TRMT9B: variants seen among roughly 807,000 people sequenced by gnomAD.
TRMT9B encodes tRNA methyltransferase 9B (putative).
Under a neutral mutation model 11.5 loss-of-function variants are expected in TRMT9B, and 16 were observed. That is an observed-to-expected ratio of 1.39 (90% confidence interval 0.94 to 2.11). TRMT9B has a LOEUF of 2.11. TRMT9B is among the 30% of genes most tolerant of loss of function. TRMT9B has a pLI of 0.00. For missense variants in TRMT9B, 941 were observed against 553.8 expected (o/e 1.70, Z -7.02); for synonymous variants, 274 against 192.4 (o/e 1.42, Z -3.51).
At chr8:12,947,517 A>C (rs1178756900) in intron 1 of TRMT9B, among the ~76,000 whole-genome samples, 2 of 152,212 alleles carry the variant, frequency 1.3e-5, no homozygotes. Flanking sequence ...TCCTTGAATA[A>C]AATAGATGGT....
chr8:13,015,941 A>G (rs1812566826), intron 4 of TRMT9B, among the ~76,000 whole-genome samples: 1 of 151,808 alleles, frequency 6.6e-6, no homozygotes, highest in Non-Finnish European at 1.5e-5. Context: ...GTTCGAGTTC[A>G]CATTTAGGAC....
At chr8:12,979,161 C>T (rs552368474) in intron 1 of TRMT9B, among the ~76,000 whole-genome samples, 7 of 152,148 alleles carry the variant, frequency 4.6e-5, no homozygotes, top group African/African-American at 9.7e-5. Flanking sequence ...AGGAAGTAAG[C>T]GTTGTCCTTT....
chr8:12,963,684 T>C (rs1802442272), intron 1 of TRMT9B, among the ~76,000 whole-genome samples: 1 of 148,504 alleles, frequency 6.7e-6, no homozygotes, highest in African/African-American at 2.5e-5. Flanking sequence ...TGGAGGTCAA[T>C]GCTATGATGA....
At chr8:12,961,494 G>C (rs1472615342) in intron 1 of TRMT9B, among the ~76,000 whole-genome samples, 3 of 151,898 alleles carry the variant, frequency 2.0e-5, no homozygotes, top group Non-Finnish European at 4.4e-5. Context: ...GAGGTCAGGA[G>C]ATGGAGACCA....
Position 13,006,320 on chromosome 8 carries a change from C to A in TRMT9B, c.118C>A (p.Gln40Lys), listed in dbSNP as rs1804609423. The A allele has an allele frequency of 6.2e-7, 1 of 1,613,366 alleles. No individual in the cohort carries two copies. The highest frequency in any genetic ancestry group is 1.1e-5 in the South Asian group (1 of 91,026). Residue 40 changes from glutamine (Q) to lysine (K), a missense_variant, in exon 3 of 5, where the codon CAA becomes AAA. Transcript: ENST00000524591. Reference sequence around the variant, plus strand: ...CTGGCCTCGTGTCCGCCAGTTCCTGCAAGAGCAGAAGCCAGGCAGCCTCAT... The same window carrying A: ...CTGGCCTCGTGTCCGCCAGTTCCTGAAAGAGCAGAAGCCAGGCAGCCTCAT... Reference protein sequence around the residue: ...KAWPRVRQFLQEQKPGSLIAD... With the variant: ...KAWPRVRQFLKEQKPGSLIAD...
intron 1 of TRMT9B, chr8:12,962,253 A>C (rs1450146990): frequency 6.6e-6 from 1 of 152,244 alleles, no homozygotes; most frequent in East Asian, 1.9e-4. Flanking sequence ...CATTCCCTTC[A>C]AAAGGCTGTG....
chr8:12,998,187 G>T (rs1461033427), intron 2 of TRMT9B, among the ~76,000 whole-genome samples: 1 of 152,122 alleles, frequency 6.6e-6, no homozygotes, highest in Non-Finnish European at 1.5e-5. Context: ...CACACTCTGG[G>T]TTGAATTTTC....
Position 13,024,684 on chromosome 8 carries a change from T to C in TRMT9B, c.*2640T>C, listed in dbSNP as rs1372465920. On this transcript the variant is annotated 3_prime_UTR_variant, in exon 5 of 5. Coordinates refer to ENST00000524591, the MANE Select transcript of TRMT9B (RefSeq NM_020844.3). ...CACACACCACTTTGTATGAAAGGGT[T>C]CTCTAGAACGGTTCTTTGGAGAGAA... 1 of 167,056 alleles carries C rather than the reference T, an allele frequency of 6.0e-6. No homozygotes were observed. Among genetic ancestry groups the C allele is most frequent in the African/African-American group, 2.4e-5 (1 of 41,442 alleles). The allele number at this position is 167,056 out of a possible 1,614,324, so 10.3% of individuals were successfully genotyped here.
At chr8:12,993,910 A>G (rs1445702043) in intron 2 of TRMT9B, among the ~76,000 whole-genome samples, 1 of 152,264 alleles carries the variant, frequency 6.6e-6, no homozygotes, top group African/African-American at 2.4e-5. Context: ...GGCACAATAA[A>G]AGGAACTGCT....
chr8:12,993,817 T>C (rs1807835758), intron 2 of TRMT9B, among the ~76,000 whole-genome samples: 1 of 152,198 alleles, frequency 6.6e-6, no homozygotes, highest in Non-Finnish European at 1.5e-5. Flanking sequence ...GCATTCAAGT[T>C]TGTAATACTT....
intron 1 of TRMT9B, among the ~76,000 whole-genome samples, chr8:12,971,379 C>T (rs1338255931): frequency 6.6e-6 from 1 of 152,112 alleles, no homozygotes; most frequent in Non-Finnish European, 1.5e-5. Context: ...GGGCCTGTGA[C>T]CTCAGGGTTC....
chr8:13,000,492 C>A (rs372390682), intron 2 of TRMT9B, among the ~76,000 whole-genome samples: 9 of 152,226 alleles, frequency 5.9e-5, no homozygotes, highest in East Asian at 3.9e-4. Context: ...GTTTGTGGGG[C>A]AAGGGAAGGA....
chr8:13,022,009 T>C lies in TRMT9B; in HGVS notation c.1330T>C (p.Cys444Arg), dbSNP rs1390862698. 6.2e-7 allele frequency: 1 copy of C among 1,607,672 alleles called. No individual in the cohort carries two copies. Among genetic ancestry groups the C allele is most frequent in the African/African-American group, 1.3e-5 (1 of 74,750 alleles). Residue 444 changes from cysteine to arginine, a missense_variant, in exon 5 of 5, where the codon TGT becomes CGT. Coordinates refer to ENST00000524591, the MANE Select transcript of TRMT9B (RefSeq NM_020844.3). The stretch of plus-strand genomic sequence containing the variant: ...TTCTGGGAATGATCATGGTAACTGG[T>C]GTATCATTGCAGAGAAAAAGAGAGG... ...LSSGNDHGNW[C>R]IIAEKKRGCD
intron 3 of TRMT9B, chr8:13,011,893 T>C: frequency 1.0e-6 from 1 of 984,712 alleles, no homozygotes; most frequent in Non-Finnish European, 1.2e-6. Flanking sequence ...TTGAAAGGCA[T>C]GTTTTAGTGT....
rs534979426 is a variant in TRMT9B at position 13,012,198 on chromosome 8, T to C, written c.155-486T>C. On this transcript the variant is annotated intron_variant, in intron 3 of 4. Transcript: ENST00000524591. The stretch of plus-strand genomic sequence containing the variant: ...TGCCTTTCTCTCTTCTATATGAGAA[T>C]CTGTAAGTATTCGCCGAAGGCTTTT... 2.8e-4 allele frequency: 272 copies of C among 985,416 alleles called. 2 individuals carry two copies. In the South Asian group the frequency reaches 0.011, roughly 39 times the overall value. 61.0% of individuals were successfully genotyped at this position (985,416 alleles called of 1,614,324 possible). A position where few individuals can be genotyped will look rare whatever the true frequency, so the allele number is the denominator to read the frequency against.
chr8:13,019,147 G>A (rs535892097), intron 4 of TRMT9B, among the ~76,000 whole-genome samples: 1 of 152,144 alleles, frequency 6.6e-6, no homozygotes, highest in South Asian at 2.1e-4. Flanking sequence ...GTTATCAAGT[G>A]GGCAAATTCG....
At chr8:13,010,524 C>T in intron 3 of TRMT9B, 1 of 983,292 alleles carries the variant, frequency 1.0e-6, no homozygotes. Flanking sequence ...TTATTGTTCA[C>T]ATTCAAGATT....
Position 12,987,438 on chromosome 8 carries a change from C to A in TRMT9B, c.-199-3396C>A, listed in dbSNP as rs187062103. Reference sequence around the variant, plus strand: ...TGGTGCAGTGGCTGACTTCTGTAATCCCAGCATTTCAGGAGGCCAAGGCAG... The same window carrying A: ...TGGTGCAGTGGCTGACTTCTGTAATACCAGCATTTCAGGAGGCCAAGGCAG... On this transcript the variant is annotated intron_variant, in intron 1 of 4. Coordinates refer to ENST00000524591, the MANE Select transcript of TRMT9B (RefSeq NM_020844.3). Among the ~76,000 whole-genome samples the A allele has an allele frequency of 7.2e-5, 11 of 152,226 alleles. No homozygotes were observed. The East Asian group carries it at 2.1e-3, about 29-fold the overall frequency.
At chr8:13,015,647 C>T (rs975275706) in intron 4 of TRMT9B, among the ~76,000 whole-genome samples, 1 of 152,156 alleles carries the variant, frequency 6.6e-6, no homozygotes, top group African/African-American at 2.4e-5. Flanking sequence ...AACTACCACG[C>T]CCAGGCTAAA....
Sources: allele counts gnomAD v4.1 joint callset (sites outside exome capture counted in the v4.1 genomes callset), GRCh38; gene constraint gnomAD v4.1.1; transcripts MANE v1.5; gene names NCBI Gene and HGNC (gene_info 2026-07-23, HGNC 2026-07-21).